Variants in PGK1 observed in about 807,000 individuals in gnomAD.
PGK1 encodes PRP 2.
PGK1 carries 3 observed loss-of-function variants against 26.9 expected under a neutral mutation model. That is an observed-to-expected ratio of 0.11 (90% CI 0.05 to 0.29). PGK1 has a LOEUF of 0.29. PGK1 is among the 10% of genes least tolerant of loss of function. The pLI is 1.00. For synonymous variants in PGK1, 125 were observed against 115.3 expected (o/e 1.08, Z -0.54); for missense variants, 270 against 314.7 (o/e 0.86, Z 1.07).
At chrX:78,104,454 T>A in intron 1 of PGK1, 49 bp downstream of exon 1, 1 of 984,186 alleles carries the variant, frequency 1.0e-6, no homozygotes, top group East Asian at 3.0e-5. Flanking sequence ...GTCGCAAACC[T>A]CTTTGGCCGG....
chrX:78,106,326 T>A (rs1392459828), intron 1 of PGK1: 2 of 605,081 alleles, frequency 3.3e-6, no homozygotes, highest in East Asian at 3.3e-4. Context: ...TTCGAGACAA[T>A]GACCAAGGAT....
At chrX:78,106,622 A>C in intron 1 of PGK1, 1 of 751,990 alleles carries the variant, frequency 1.3e-6, no homozygotes, top group Non-Finnish European at 1.6e-6. Flanking sequence ...GTATTTGCTG[A>C]CTCTTCTGGT....
At chrX:78,109,626 A>G (rs1264717274) in intron 1 of PGK1, among the ~76,000 whole-genome samples, 2 of 111,154 alleles carry the variant, frequency 1.8e-5, no homozygotes, top group Admixed American at 1.9e-4. Flanking sequence ...GCACATTTGT[A>G]TGGTCACTGA....
intron 1 of PGK1, among the ~76,000 whole-genome samples, chrX:78,108,797 A>T (rs2078284602): frequency 8.9e-6 from 1 of 112,315 alleles, no homozygotes; most frequent in South Asian, 3.6e-4. Flanking sequence ...TTACTTGTCA[A>T]ATCACAGAAT....
Position 78,109,752 on chromosome X carries a change from T to G in PGK1, c.66-115T>G, listed in dbSNP as rs924076165. On this transcript the variant is annotated intron_variant, in intron 1 of 10. Coordinates refer to ENST00000373316, the MANE Select transcript of PGK1 (RefSeq NM_000291.4). ...TATTTTGACTTTTAATGCCACTGAT[T>G]ATTTTTAAGATGAGATTTGAATTTC... 8.6e-6 allele frequency: 5 copies of G among 582,919 alleles called. No homozygotes were observed. The African/African-American group carries it at 1.1e-4, about 13-fold the overall frequency. 48.0% of individuals were successfully genotyped at this position (582,919 alleles called of 1,213,427 possible).
intron 1 of PGK1, among the ~76,000 whole-genome samples, chrX:78,107,719 A>G (rs1204754555): frequency 9.0e-6 from 1 of 111,567 alleles, no homozygotes; most frequent in African/African-American, 3.3e-5. Context: ...CTTGGTATGG[A>G]CATACGCTGT....
rs782774228 is a variant in PGK1 at position 78,104,288 on chromosome X, C to G, written c.-53C>G. 6.3e-6 allele frequency: 6 copies of G among 945,262 alleles called. No homozygotes were observed. The highest frequency in any genetic ancestry group is 3.2e-4 in the Middle Eastern group (1 of 3,089). 77.9% of individuals were successfully genotyped at this position (945,262 alleles called of 1,213,427 possible). Reference sequence around the variant, plus strand: ...AGCCTCCGGAGCGCACGTCGGCAGTCGGCTCCCTCGTTGACCGAATCACCG... The same window carrying G: ...AGCCTCCGGAGCGCACGTCGGCAGTGGGCTCCCTCGTTGACCGAATCACCG... On this transcript the variant is annotated 5_prime_UTR_variant, in exon 1 of 11. Transcript: ENST00000373316.
intron 1 of PGK1, among the ~76,000 whole-genome samples, chrX:78,107,962 GA>G (rs146163611): frequency 0.092 from 6,832 of 74,516 alleles, 608 homozygotes; most frequent in African/African-American, 0.28. Context: ...ATAAGGAAAC[GA>G]AAAAAAAAAA....
At chrX:78,122,199 C>T (rs1395024451) in intron 6 of PGK1, among the ~76,000 whole-genome samples, 2 of 110,589 alleles carry the variant, frequency 1.8e-5, no homozygotes, top group African/African-American at 3.3e-5. Flanking sequence ...CAGAGTGAGA[C>T]TTTGTGTTGA....
intron 4 of PGK1, among the ~76,000 whole-genome samples, chrX:78,115,950 G>A (rs781988794): frequency 9.0e-5 from 10 of 110,955 alleles, no homozygotes; most frequent in South Asian, 3.8e-4. Context: ...GAGGGCTGAA[G>A]TGATCCTCCT....
In PGK1 at chrX:78,128,128, A is replaced by G. The variant is rs182851482; in HGVS notation, c.*2298A>G. 1 of 112,989 alleles carries G rather than the reference A, an allele frequency of 8.9e-6. No homozygotes were observed. The highest frequency in any genetic ancestry group is 1.9e-5 in the Non-Finnish European group (1 of 53,418). 9.3% of individuals were successfully genotyped at this position (112,989 alleles called of 1,213,427 possible). ...TCATAAACAACTTGTCAATTAGGCAAATATTTGAGTTCCTTCTATGTGCTT... is the reference window on the plus strand; with the variant it reads ...TCATAAACAACTTGTCAATTAGGCAGATATTTGAGTTCCTTCTATGTGCTT... On this transcript the variant is annotated 3_prime_UTR_variant, in exon 11 of 11. Transcript: ENST00000373316.
At chrX:78,120,094 ATG>A (rs1557247853) in intron 6 of PGK1, among the ~76,000 whole-genome samples, 1 of 111,546 alleles carries the variant, frequency 9.0e-6, no homozygotes. Context: ...GGGGAATTGG[ATG>A]TGAGATTTTT....
At position 78,104,261 on chromosome X, in the gene PGK1, C is replaced by T. The variant is rs1282045505; in HGVS notation, c.-80C>T. 2 of 755,644 alleles carry T rather than the reference C, an allele frequency of 2.6e-6. No individual in the cohort carries two copies. The highest frequency in any genetic ancestry group is 2.4e-5 in the Admixed American group (1 of 42,503). The allele number at this position is 755,644 out of a possible 1,213,427, so 62.3% of individuals were successfully genotyped here. A position where few individuals can be genotyped will look rare whatever the true frequency, so the allele number is the denominator to read the frequency against. ...TGCCCGCGCGGTGTTCCGCATTCTG[C>T]AAGCCTCCGGAGCGCACGTCGGCAG... On this transcript the variant is annotated 5_prime_UTR_variant, in exon 1 of 11. Coordinates refer to ENST00000373316, the MANE Select transcript of PGK1 (RefSeq NM_000291.4).
Position 78,128,154 on chromosome X carries a change from A to G in PGK1, c.*2324A>G, listed in dbSNP as rs781816776. 1 of 113,188 alleles carries G rather than the reference A, an allele frequency of 8.8e-6. No individual in the cohort carries two copies. The highest frequency in any genetic ancestry group is 9.3e-5 in the Admixed American group (1 of 10,731). 9.3% of individuals were successfully genotyped at this position (113,188 alleles called of 1,213,427 possible). Reference sequence around the variant, plus strand: ...ATATTTGAGTTCCTTCTATGTGCTTAAAGACGTGATAGAGGGAATATAAGA... The same window carrying G: ...ATATTTGAGTTCCTTCTATGTGCTTGAAGACGTGATAGAGGGAATATAAGA... On this transcript the variant is annotated 3_prime_UTR_variant, in exon 11 of 11. Coordinates refer to ENST00000373316, the MANE Select transcript of PGK1 (RefSeq NM_000291.4).
chrX:78,105,791 G>C lies in PGK1; in HGVS notation c.65+1386G>C, dbSNP rs1311508000. Among the ~76,000 whole-genome samples, 3 of 111,745 alleles carry C rather than the reference G, an allele frequency of 2.7e-5. No individual in the cohort carries two copies. In the East Asian group the frequency reaches 8.4e-4, roughly 31 times the overall value. On this transcript the variant is annotated intron_variant, in intron 1 of 10. Coordinates refer to ENST00000373316, the MANE Select transcript of PGK1 (RefSeq NM_000291.4). ...TTCCACATTTCCCCAAATGACATAGGCCTTTGTAATCTGGACAAAGTAGGA... is the reference window on the plus strand; with the variant it reads ...TTCCACATTTCCCCAAATGACATAGCCCTTTGTAATCTGGACAAAGTAGGA...
In PGK1 at chrX:78,106,619, C is replaced by G. The variant is rs1427405954; in HGVS notation, c.65+2214C>G. The G allele has an allele frequency of 6.7e-6, 5 of 751,014 alleles. No homozygotes were observed. In the African/African-American group the frequency reaches 1.2e-4, roughly 17 times the overall value. The allele number at this position is 751,014 out of a possible 1,213,427, so 61.9% of individuals were successfully genotyped here. ...CTGCAGAAGTGAACTATGGTATTTG[C>G]TGACTCTTCTGGTCCACTGGTTTGG... On this transcript the variant is annotated intron_variant, in intron 1 of 10. Transcript: ENST00000373316.
At chrX:78,117,260 T>G (rs2078331029) in intron 4 of PGK1, 52 bp from the exon 5 acceptor site, 17 of 859,287 alleles carry the variant, frequency 2.0e-5, no homozygotes, top group Admixed American at 1.3e-4. Context: ...TGAAATGCTT[T>G]TATAGTTGTC....
rs970628609 is a variant in PGK1, at chrX:78,126,016, A to C, written c.*186A>C. The stretch of plus-strand genomic sequence containing the variant: ...CATCTTCACTGCACCCTGGATTTGC[A>C]TACATTCTTCAAGATCCCATTTGAA... On this transcript the variant is annotated 3_prime_UTR_variant, in exon 11 of 11. Transcript: ENST00000373316. 5 of 488,941 alleles carry C rather than the reference A, an allele frequency of 1.0e-5. No homozygotes were observed. Among genetic ancestry groups the C allele is most frequent in the African/African-American group, 4.7e-5 (2 of 42,900 alleles). The allele number at this position is 488,941 out of a possible 1,213,427, so 40.3% of individuals were successfully genotyped here.
rs138938750 is a variant in PGK1, at chrX:78,105,325, G to A, written c.65+920G>A. Among the ~76,000 whole-genome samples, 430 of 111,933 alleles carry A rather than the reference G, an allele frequency of 3.8e-3. 3 individuals carry two copies. Among genetic ancestry groups the A allele is most frequent in the Non-Finnish European group, 7.0e-3 (375 of 53,199 alleles). ...TATTTGTGCATACCAGGAGCAAGGT[G>A]CAGGAGGATGAGTCGGTATGTAACT... On this transcript the variant is annotated intron_variant, in intron 1 of 10. Coordinates refer to ENST00000373316, the MANE Select transcript of PGK1 (RefSeq NM_000291.4).
Sources: allele counts gnomAD v4.1 joint callset (sites outside exome capture counted in the v4.1 genomes callset), GRCh38; gene constraint gnomAD v4.1.1; transcripts MANE v1.5; gene names NCBI Gene and HGNC (gene_info 2026-07-23, HGNC 2026-07-21).